NETO1: variants seen among roughly 807,000 people sequenced by gnomAD.
The protein encoded by NETO1 is neuropilin and tolloid-like protein 1.
A neutral mutation model predicts 61.3 loss-of-function variants in NETO1; 26 were observed. That is an observed-to-expected ratio of 0.42 (90% CI 0.31 to 0.59). NETO1 has a LOEUF of 0.59. Ranked by LOEUF, NETO1 falls within the 20% of genes least tolerant of loss-of-function variation. The pLI, the probability that NETO1 is intolerant of heterozygous loss-of-function variation, is 0.12. For missense variants in NETO1, 531 were observed against 662.8 expected, an observed-to-expected ratio of 0.80 and a Z score of 2.18; for synonymous variants, 225 against 225.8, an observed-to-expected ratio of 1.00 and a Z score of 0.03.
intron 7 of NETO1, among the ~76,000 whole-genome samples, chr18:72,762,236 C>T (rs951409397): frequency 6.6e-6 from 1 of 151,858 alleles, no homozygotes; most frequent in Non-Finnish European, 1.5e-5. Flanking sequence ...TCTCCACTCA[C>T]CGCGACCTCT....
chr18:72,786,221 T>A (rs8099007), intron 6 of NETO1, among the ~76,000 whole-genome samples: 2 of 151,986 alleles, frequency 1.3e-5, no homozygotes, highest in Non-Finnish European at 2.9e-5. Flanking sequence ...TTATATACAG[T>A]GGAAATTATA....
At chr18:72,760,198 G>A (rs956643573) in intron 7 of NETO1, among the ~76,000 whole-genome samples, 1 of 152,170 alleles carries the variant, frequency 6.6e-6, no homozygotes, top group Non-Finnish European at 1.5e-5. Context: ...AAATATTCTA[G>A]TCAGCCAAAA....
At chr18:72,805,662 A>G (rs1175707865) in intron 4 of NETO1, among the ~76,000 whole-genome samples, 1 of 152,062 alleles carries the variant, frequency 6.6e-6, no homozygotes, top group African/African-American at 2.4e-5. Flanking sequence ...TAGGCAGTCG[A>G]CCTCCAGATT....
chr18:72,841,772 A>T (rs912728346), intron 4 of NETO1, among the ~76,000 whole-genome samples: 1 of 137,426 alleles, frequency 7.3e-6, no homozygotes, highest in African/African-American at 2.7e-5. Context: ...CTTTATTCTC[A>T]CTGATGGAGC....
chr18:72,816,976 T>G (rs1282188947), intron 4 of NETO1, among the ~76,000 whole-genome samples: 1 of 152,142 alleles, frequency 6.6e-6, no homozygotes, highest in East Asian at 1.9e-4. Flanking sequence ...ATGCAGCCTG[T>G]GGGAGGCATA....
intron 4 of NETO1, among the ~76,000 whole-genome samples, chr18:72,797,946 G>A (rs1045112520): frequency 2.0e-5 from 3 of 152,048 alleles, no homozygotes; most frequent in Non-Finnish European, 1.5e-5. Context: ...TCTCAGAAAC[G>A]CCTTCCTTGA....
intron 7 of NETO1, among the ~76,000 whole-genome samples, chr18:72,775,364 C>T (rs988161726): frequency 3.9e-5 from 6 of 152,294 alleles, no homozygotes; most frequent in African/African-American, 1.2e-4. Flanking sequence ...CTCCTTTATA[C>T]ACTCATTATT....
chr18:72,792,145 T>G (rs1198611487), intron 6 of NETO1, among the ~76,000 whole-genome samples: 1 of 152,064 alleles, frequency 6.6e-6, no homozygotes, highest in African/African-American at 2.4e-5. Flanking sequence ...TCAAAAAAGG[T>G]TCTTCACTGG....
intron 7 of NETO1, among the ~76,000 whole-genome samples, chr18:72,768,245 T>C (rs1441654128): frequency 2.0e-5 from 3 of 152,094 alleles, no homozygotes; most frequent in Admixed American, 6.5e-5. Context: ...AACTTTTTTA[T>C]TTTTTTCTAC....
At chr18:72,780,004 C>T (rs10084072) in intron 7 of NETO1, among the ~76,000 whole-genome samples, 50,246 of 151,846 alleles carry the variant, frequency 0.33, 8,579 homozygotes, top group Admixed American at 0.46. Flanking sequence ...ATTAGAGGAC[C>T]AACACCTATG....
At chr18:72,777,844 A>G (rs1192680477) in intron 7 of NETO1, among the ~76,000 whole-genome samples, 1 of 152,216 alleles carries the variant, frequency 6.6e-6, no homozygotes, top group African/African-American at 2.4e-5. Flanking sequence ...GGGAACAGCC[A>G]CAGCCTTCGT....
At chr18:72,773,466 C>T (rs1216240549) in intron 7 of NETO1, among the ~76,000 whole-genome samples, 1 of 152,188 alleles carries the variant, frequency 6.6e-6, no homozygotes, top group African/African-American at 2.4e-5. Flanking sequence ...AAGCGTTCTA[C>T]ACCAAGAGTT....
chr18:72,835,013 T>C (rs2073698582), intron 4 of NETO1: 1 of 968,702 alleles, frequency 1.0e-6, no homozygotes, highest in South Asian at 4.8e-5. Flanking sequence ...AAGATTATAA[T>C]ACAAGAAGTC....
intron 7 of NETO1, among the ~76,000 whole-genome samples, chr18:72,770,006 A>G (rs1306562492): frequency 6.6e-6 from 1 of 151,990 alleles, no homozygotes. Flanking sequence ...GTCCTTCAGG[A>G]AATATTTTGT....
chr18:72,792,098 T>A (rs752651446), intron 6 of NETO1, among the ~76,000 whole-genome samples: 10 of 152,166 alleles, frequency 6.6e-5, no homozygotes, highest in Non-Finnish European at 1.3e-4. Context: ...TAGAGATACA[T>A]TCAAGAAAAA....
intron 6 of NETO1, among the ~76,000 whole-genome samples, chr18:72,785,088 T>C (rs1026772022): frequency 9.9e-5 from 15 of 152,232 alleles, no homozygotes; most frequent in Non-Finnish European, 8.8e-5. Context: ...TTTATTTTAA[T>C]ATGAATGCCT....
chr18:72,742,660 G>C (rs2070361465), downstream of NETO1: 1 of 152,164 alleles, frequency 6.6e-6, no homozygotes, highest in Non-Finnish European at 1.5e-5. Context: ...TTACACATTG[G>C]TGAAGAGTGT....
At chr18:72,836,159 C>T (rs4892049) in intron 4 of NETO1, among the ~76,000 whole-genome samples, 42,586 of 152,088 alleles carry the variant, frequency 0.28, 7,114 homozygotes, top group South Asian at 0.4. Context: ...AGAGCCCAGA[C>T]GTGCCCTGCT....
intron 4 of NETO1, chr18:72,853,435 C>A (rs1441561592): frequency 2.7e-5 from 4 of 150,402 alleles, no homozygotes; most frequent in Non-Finnish European, 4.4e-5. Flanking sequence ...TTTTTTCAAT[C>A]TTTTATTTTT....
Sources: gnomAD v4.1 joint callset for allele counts (sites outside exome capture counted in the v4.1 genomes callset) on GRCh38, gnomAD v4.1.1 for gene constraint, MANE v1.5 for transcripts, NCBI Gene and HGNC (gene_info 2026-07-23, HGNC 2026-07-21) for gene names.